Variants in SLC39A14 observed in about 807,000 individuals in gnomAD.
SLC39A14 encodes the protein metal cation symporter ZIP14.
A neutral mutation model predicts 45.5 loss-of-function variants in SLC39A14; 19 were observed. The observed-to-expected ratio is 0.42, with a 90% CI of 0.29 to 0.61. SLC39A14 has a LOEUF of 0.61. Among genes scored for constraint, SLC39A14 ranks in the 20% least tolerant of loss-of-function variants. The pLI, the probability that SLC39A14 is intolerant of heterozygous loss-of-function variation, is 0.22. For missense variants in SLC39A14, 447 were observed against 616.5 expected (o/e 0.73, Z 2.91); for synonymous variants, 264 against 251.3 (o/e 1.05, Z -0.48).
chr8:22,373,632 C>T (rs1314564838), intron 1 of SLC39A14, among the ~76,000 whole-genome samples: 1 of 152,098 alleles, frequency 6.6e-6, no homozygotes, highest in Non-Finnish European at 1.5e-5. Context: ...TAGTCTTTTA[C>T]TTCAGGGACC....
intron 4 of SLC39A14, among the ~76,000 whole-genome samples, 197 bp downstream of exon 4, chr8:22,412,403 G>T (rs1835625310): frequency 1.3e-5 from 2 of 152,226 alleles, no homozygotes. Context: ...TCTGCTATCA[G>T]TAGGTTCCGT....
Position 22,367,456 on chromosome 8 carries a change from G to A in SLC39A14, c.-16+48G>A, listed in dbSNP as rs1832697634. 6.6e-6 allele frequency: 1 copy of A among 152,128 alleles called. No homozygotes were observed. Among genetic ancestry groups the A allele is most frequent in the Admixed American group, 6.6e-5 (1 of 15,262 alleles). 9.4% of individuals were successfully genotyped at this position (152,128 alleles called of 1,614,324 possible). On this transcript the variant is annotated intron_variant, in intron 1 of 8. Transcript: ENST00000381237. The surrounding 1 kb of genome is among the most constrained non-coding windows in gnomAD (Gnocchi z 4.2). The stretch of plus-strand genomic sequence containing the variant: ...CCGCGGGATGGGCAGCGGCGGAGGA[G>A]CCCCGCACCCCAGGCTGGGGCAGTG...
downstream of SLC39A14, among the ~76,000 whole-genome samples, chr8:22,425,557 A>G (rs1269878545): frequency 6.7e-6 from 1 of 150,352 alleles, no homozygotes; most frequent in African/African-American, 2.5e-5. Flanking sequence ...TTAATAGTGG[A>G]AAAAAAATCA....
rs772634257 is a variant in SLC39A14 at position 22,420,314 on chromosome 8, G to C, written c.*616G>C. On this transcript the variant is annotated 3_prime_UTR_variant, in exon 9 of 9. Coordinates refer to ENST00000381237, the MANE Select transcript of SLC39A14 (RefSeq NM_001128431.4). ...TGGGAGAGGAAGTCGAACCACTGCT[G>C]TGTGTCTTGTCAGGATGCTCACTTG... The C allele has an allele frequency of 4.6e-4, 455 of 985,510 alleles. No individual in the cohort carries two copies. The highest frequency in any genetic ancestry group is 5.3e-4 in the Non-Finnish European group (441 of 829,980). 61.0% of individuals were successfully genotyped at this position (985,510 alleles called of 1,614,324 possible). A position where few individuals can be genotyped will look rare whatever the true frequency, so the allele number is the denominator to read the frequency against.
At chr8:22,372,992 A>T (rs1221206570) in intron 1 of SLC39A14, among the ~76,000 whole-genome samples, 2 of 152,110 alleles carry the variant, frequency 1.3e-5, no homozygotes, top group Non-Finnish European at 2.9e-5. Context: ...GAACGGGCGC[A>T]GTGACTCACA....
Position 22,419,993 on chromosome 8 carries a change from T to A in SLC39A14, c.*295T>A. 9.1e-7 allele frequency: 1 copy of A among 1,101,214 alleles called. No homozygotes were observed. Among genetic ancestry groups the A allele is most frequent in the Non-Finnish European group, 1.1e-6 (1 of 903,512 alleles). 68.2% of individuals were successfully genotyped at this position (1,101,214 alleles called of 1,614,324 possible). A position where few individuals can be genotyped will look rare whatever the true frequency, so the allele number is the denominator to read the frequency against. ...GACAAGCCTGACTTTTTTCTCTGAT[T>A]ACCTTGGCCTCCTCTTGGAACCAGT... On this transcript the variant is annotated 3_prime_UTR_variant, in exon 9 of 9. Coordinates refer to ENST00000381237, the MANE Select transcript of SLC39A14 (RefSeq NM_001128431.4).
chr8:22,413,627 C>T (rs775202308), intron 4 of SLC39A14, among the ~76,000 whole-genome samples: 2 of 152,142 alleles, frequency 1.3e-5, no homozygotes, highest in Non-Finnish European at 2.9e-5. Context: ...TTGGGATCAA[C>T]TTTTATTTTG....
downstream of SLC39A14, among the ~76,000 whole-genome samples, chr8:22,422,972 C>T (rs1032757757): frequency 1.3e-5 from 2 of 151,010 alleles, no homozygotes; most frequent in Non-Finnish European, 3.0e-5. Context: ...TACAGGTGCC[C>T]GCCACCACGC....
chr8:22,384,744 T>TAAAAAAAAAA (rs34292650), intron 1 of SLC39A14, among the ~76,000 whole-genome samples: 1 of 117,292 alleles, frequency 8.5e-6, no homozygotes. Flanking sequence ...GAGACTGTCT[T>TAAAAAAAAAA]AAAAAAAAAA....
chr8:22,397,303 G>A (rs1834545713), intron 1 of SLC39A14, among the ~76,000 whole-genome samples: 1 of 152,060 alleles, frequency 6.6e-6, no homozygotes, highest in Admixed American at 6.6e-5. Context: ...TCCTGGCCGG[G>A]CGCGGTGGCT....
At chr8:22,428,581 T>A (rs1836422575) in intron 8 of SLC39A14, among the ~76,000 whole-genome samples, 1 of 151,656 alleles carries the variant, frequency 6.6e-6, no homozygotes, top group South Asian at 2.1e-4. Context: ...TAGCTGGGAT[T>A]ACAGGCGCAT....
chr8:22,406,077 G>A lies in SLC39A14; in HGVS notation c.270+1097G>A, dbSNP rs1230339557. 2.0e-5 allele frequency among the ~76,000 whole-genome samples: 3 copies of A among 152,310 alleles called. No homozygotes were observed. In the East Asian group the frequency reaches 5.8e-4, roughly 29 times the overall value. ...AGAAATGAGAGGGGGAGATGAGTGT[G>A]CTGCAGTCATCAGGGAAGGCTCGAG... is the stretch of plus-strand genomic sequence containing the variant. On this transcript the variant is annotated intron_variant, in intron 2 of 8. Coordinates refer to ENST00000381237, the MANE Select transcript of SLC39A14 (RefSeq NM_001128431.4).
chr8:22,415,640 C>A, intron 5 of SLC39A14, 129 bp from the exon 6 acceptor site: 1 of 826,196 alleles, frequency 1.2e-6, no homozygotes, highest in East Asian at 2.8e-5. Context: ...GGCACGTGAC[C>A]TGCTTGTGTC....
At chr8:22,412,356 C>A in intron 4 of SLC39A14, 150 bp downstream of exon 4, 1 of 819,758 alleles carries the variant, frequency 1.2e-6, no homozygotes, top group Non-Finnish European at 1.9e-6. Context: ...GGAGAGGCAG[C>A]CCAGCATAGG....
chr8:22,429,209 T>G (rs1836432585), intron 8 of SLC39A14, among the ~76,000 whole-genome samples: 1 of 152,014 alleles, frequency 6.6e-6, no homozygotes, highest in Non-Finnish European at 1.5e-5. Context: ...GAGGCAGAGC[T>G]TGCAGTGAGC....
intron 1 of SLC39A14, among the ~76,000 whole-genome samples, chr8:22,377,956 A>G (rs1274209762): frequency 1.3e-5 from 2 of 152,112 alleles, no homozygotes; most frequent in Non-Finnish European, 2.9e-5. Context: ...TCTCCTGCCA[A>G]TTGTATTTGT....
chr8:22,380,098 A>C lies in SLC39A14; in HGVS notation c.-16+12690A>C, dbSNP rs547624241. On this transcript the variant is annotated intron_variant, in intron 1 of 8. Coordinates refer to ENST00000381237, the MANE Select transcript of SLC39A14 (RefSeq NM_001128431.4). ...TAAAGTCTATAGGGAGGAAGTGCGT[A>C]GGTTATATGCAAATACTATGCTATT... Among the ~76,000 whole-genome samples the C allele has an allele frequency of 6.6e-5, 10 of 152,314 alleles. 1 individual carries two copies. The South Asian group carries it at 2.1e-3, about 32-fold the overall frequency.
intron 2 of SLC39A14, among the ~76,000 whole-genome samples, chr8:22,405,935 G>C (rs1563567247): frequency 6.6e-6 from 1 of 152,200 alleles, no homozygotes; most frequent in Non-Finnish European, 1.5e-5. Flanking sequence ...AGAGAAAAAT[G>C]AGTCATATTT....
intron 1 of SLC39A14, chr8:22,379,320 T>C (rs1047916896): frequency 6.6e-6 from 1 of 152,252 alleles, no homozygotes; most frequent in African/African-American, 2.4e-5. Context: ...GACAGTTATT[T>C]GCGGGGATAG....
Sources: gnomAD v4.1 joint callset for allele counts (sites outside exome capture counted in the v4.1 genomes callset) on GRCh38, gnomAD v4.1.1 for gene constraint, Gnocchi (gnomAD v3.1) non-coding constraint, MANE v1.5 for transcripts, NCBI Gene and HGNC (gene_info 2026-07-23, HGNC 2026-07-21) for gene names.